The following PCCA variants were observed in gnomAD, a reference collection of about 807,000 sequenced individuals.
PCCA encodes propionyl-CoA carboxylase subunit alpha.
PCCA carries 74 observed loss-of-function variants against 101.3 expected under a neutral mutation model. The observed-to-expected ratio is 0.73, with a 90% CI of 0.61 to 0.89. The LOEUF (loss-of-function observed/expected upper bound fraction) is 0.89. Among genes scored for constraint, PCCA ranks in the 40% least tolerant of loss-of-function variants. The pLI is 0.00. For missense variants in PCCA, 891 were observed against 907.0 expected, an observed-to-expected ratio of 0.98 and a Z score of 0.23; for synonymous variants, 294 against 313.6, an observed-to-expected ratio of 0.94 and a Z score of 0.66.
At chr13:100,190,222 G>A (rs1037443623) in intron 6 of PCCA, among the ~76,000 whole-genome samples, 22 of 152,128 alleles carry the variant, frequency 1.4e-4, no homozygotes, top group Non-Finnish European at 2.4e-4. Flanking sequence ...CTGTTATTGC[G>A]TTATATTGAC....
rs562117169 is a variant in PCCA, at chr13:100,116,218, G to C, written c.300+4157G>C. 2.7e-4 allele frequency among the ~76,000 whole-genome samples: 41 copies of C among 152,260 alleles called. No homozygotes were observed. The South Asian group carries it at 8.5e-3, about 32-fold the overall frequency. ...TTGCATGTTTGTTTTCAAGAGGTGA[G>C]CATTTTAAATGTAACTTGGAGTAAA... On this transcript the variant is annotated intron_variant, in intron 4 of 23. Coordinates refer to ENST00000376285, the MANE Select transcript of PCCA (RefSeq NM_000282.4).
intron 18 of PCCA, among the ~76,000 whole-genome samples, chr13:100,345,208 G>A (rs1216885201): frequency 1.3e-5 from 2 of 152,228 alleles, no homozygotes; most frequent in African/African-American, 2.4e-5. Context: ...TAGTGGAGAA[G>A]GTATATTCAA....
intron 6 of PCCA, among the ~76,000 whole-genome samples, chr13:100,173,728 T>C (rs1361061810): frequency 1.5e-5 from 2 of 132,498 alleles, no homozygotes; most frequent in African/African-American, 5.6e-5. Flanking sequence ...CCAAATCTCA[T>C]CTTGAATTGT....
chr13:100,476,862 G>C (rs1473888373), intron 21 of PCCA, among the ~76,000 whole-genome samples: 1 of 152,112 alleles, frequency 6.6e-6, no homozygotes, highest in African/African-American at 2.4e-5. Flanking sequence ...TGAGGGGTGG[G>C]GCAGGGCAGT....
In PCCA at chr13:100,262,796, A is replaced by G; in HGVS notation, c.784A>G (p.Lys262Glu). The G allele has an allele frequency of 6.5e-7, 1 of 1,548,974 alleles. No homozygotes were observed. Among genetic ancestry groups the G allele is most frequent in the Non-Finnish European group, 8.9e-7 (1 of 1,122,286 alleles). ...TGGCGATGATAGACTACTAATAGAA[A>G]AATTTATTGATAATCCTCGTCATAT... ...SFGDDRLLIE[K>E]FIDNPRHIEI... Residue 262 changes from lysine (K) to glutamate (E), a missense_variant, in exon 10 of 24, where the codon AAA becomes GAA. By Grantham distance (56) the Lys-to-Glu change is moderately conservative (BLOSUM62 1). Coordinates refer to ENST00000376285, the MANE Select transcript of PCCA (RefSeq NM_000282.4).
At chr13:100,107,775 G>A (rs1055309141) in intron 2 of PCCA, among the ~76,000 whole-genome samples, 4 of 152,142 alleles carry the variant, frequency 2.6e-5, no homozygotes, top group African/African-American at 7.2e-5. Context: ...GCTAAATATT[G>A]TCATCATAGC....
intron 22 of PCCA, among the ~76,000 whole-genome samples, chr13:100,520,634 C>CAA (rs374566196): frequency 0.05 from 3,251 of 65,368 alleles, 294 homozygotes; most frequent in African/African-American, 0.11. Flanking sequence ...GACTCCGTCT[C>CAA]AAAAAAAAAA....
chr13:100,472,690 G>C (rs917254822), intron 21 of PCCA, among the ~76,000 whole-genome samples: 1 of 151,998 alleles, frequency 6.6e-6, no homozygotes, highest in Non-Finnish European at 1.5e-5. Flanking sequence ...GTCTCTATTT[G>C]CCTGGTATCT....
rs139562289 is a variant in PCCA, at chr13:100,187,375, G to A, written c.469-21957G>A. 2.0e-3 allele frequency among the ~76,000 whole-genome samples: 310 copies of A among 152,274 alleles called. 2 individuals are homozygous for A. The highest frequency in any genetic ancestry group is 7.0e-3 in the African/African-American group (292 of 41,556). On this transcript the variant is annotated intron_variant, in intron 6 of 23. Coordinates refer to ENST00000376285, the MANE Select transcript of PCCA (RefSeq NM_000282.4). ...TGGTAATACGTCAATTGGGATCTGC[G>A]ATAGGCTGGAGAGGTTTTTGGGCAG...
intron 21 of PCCA, among the ~76,000 whole-genome samples, chr13:100,478,599 G>T (rs749450009): frequency 3.3e-5 from 5 of 152,110 alleles, no homozygotes; most frequent in African/African-American, 7.2e-5. Context: ...TGTTACCCTC[G>T]ACGCCATGAT....
chr13:100,293,533 C>G (rs910572107), intron 12 of PCCA, among the ~76,000 whole-genome samples: 1 of 151,864 alleles, frequency 6.6e-6, no homozygotes, highest in Non-Finnish European at 1.5e-5. Flanking sequence ...ATATTTTGGT[C>G]TTTTATGGAA....
intron 12 of PCCA, among the ~76,000 whole-genome samples, chr13:100,281,751 T>A (rs1228368498): frequency 2.0e-5 from 3 of 152,228 alleles, no homozygotes; most frequent in Non-Finnish European, 4.4e-5. Flanking sequence ...ATTATCTTTT[T>A]CATTTTAATG....
intron 20 of PCCA, among the ~76,000 whole-genome samples, chr13:100,429,685 C>T (rs975673727): frequency 1.9e-4 from 29 of 152,018 alleles, no homozygotes; most frequent in Non-Finnish European, 4.0e-4. Flanking sequence ...TGGCTCACTG[C>T]AACCTCTGTC....
At chr13:100,092,065 C>T (rs9518001) in intron 1 of PCCA, among the ~76,000 whole-genome samples, 27,984 of 151,806 alleles carry the variant, frequency 0.18, 3,395 homozygotes, top group Middle Eastern at 0.35. Flanking sequence ...GGACTACAGG[C>T]GCACGCCACC....
chr13:100,383,137 C>T (rs2076319641), intron 19 of PCCA, among the ~76,000 whole-genome samples: 1 of 151,910 alleles, frequency 6.6e-6, no homozygotes, highest in Non-Finnish European at 1.5e-5. Flanking sequence ...ACTACAGGGG[C>T]ATGCTACCAT....
Position 100,301,456 on chromosome 13 carries a change from G to T in PCCA, c.1066-4G>T. 1.2e-6 allele frequency: 2 copies of T among 1,613,944 alleles called. No individual in the cohort carries two copies. Among genetic ancestry groups the T allele is most frequent in the Middle Eastern group, 1.7e-4 (1 of 6,060 alleles). On this transcript the variant is annotated splice_region_variant and splice_polypyrimidine_tract_variant and intron_variant, in intron 12 of 23. Coordinates refer to ENST00000376285, the MANE Select transcript of PCCA (RefSeq NM_000282.4). ...CTACTGACTGGCAGACCTTGGCCTT[G>T]CAGGTTGAGCATCCTGTCACAGAAT...
At chr13:100,333,382 A>C (rs1476513028) in intron 17 of PCCA, among the ~76,000 whole-genome samples, 1 of 152,236 alleles carries the variant, frequency 6.6e-6, no homozygotes, top group Non-Finnish European at 1.5e-5. Flanking sequence ...TATCCTAGGC[A>C]CTATTCACAG....
intron 4 of PCCA, among the ~76,000 whole-genome samples, chr13:100,119,251 T>C (rs903168012): frequency 3.3e-5 from 5 of 152,186 alleles, no homozygotes; most frequent in Non-Finnish European, 7.3e-5. Context: ...GAATCTATCA[T>C]ATTATTGTAT....
intron 8 of PCCA, among the ~76,000 whole-genome samples, chr13:100,250,246 A>G (rs2152545406): frequency 6.6e-6 from 1 of 152,230 alleles, no homozygotes; most frequent in Admixed American, 6.5e-5. Context: ...ATTTCTCTTT[A>G]TTCCTAGTTT....
Sources: allele counts gnomAD v4.1 joint callset (sites outside exome capture counted in the v4.1 genomes callset), GRCh38; gene constraint gnomAD v4.1.1; transcripts MANE v1.5; gene names NCBI Gene and HGNC (gene_info 2026-07-23, HGNC 2026-07-21).